Variants in RNF212B observed in about 807,000 individuals in gnomAD.
The protein encoded by RNF212B is ring finger protein 212B.
A neutral mutation model predicts 55.5 loss-of-function variants in RNF212B; 52 were observed. The observed-to-expected ratio is 0.94, with a 90% CI of 0.75 to 1.18. The LOEUF (loss-of-function observed/expected upper bound fraction) is 1.18, where lower values mean the gene tolerates loss of function less well. Ranked by LOEUF, RNF212B falls within the 50% of genes most tolerant of loss-of-function variation. The probability of loss-of-function intolerance (pLI) is 0.00; values close to 1 mark genes in which losing one functional copy is unlikely to be tolerated. For missense variants in RNF212B, 289 were observed against 350.4 expected (o/e 0.82, Z 1.40); for synonymous variants, 99 against 121.4 (o/e 0.82, Z 1.21).
intron 11 of RNF212B, among the ~76,000 whole-genome samples, chr14:23,266,300 T>C (rs1594951370): frequency 6.6e-6 from 1 of 151,970 alleles, no homozygotes; most frequent in East Asian, 1.9e-4. Context: ...TTTGGACCCA[T>C]TGGTTGTTTA....
chr14:23,186,301 A>G (rs1017863317), intron 1 of RNF212B, among the ~76,000 whole-genome samples: 5 of 152,012 alleles, frequency 3.3e-5, no homozygotes, highest in African/African-American at 1.2e-4. Context: ...TATGTTGACA[A>G]AAATCTGTAA....
intron 2 of RNF212B, among the ~76,000 whole-genome samples, chr14:23,213,174 G>T (rs10144491): frequency 2.0e-5 from 3 of 151,518 alleles, no homozygotes; most frequent in Admixed American, 2.0e-4. Flanking sequence ...TTAGCCGGGC[G>T]TGGTGGCAGG....
intron 2 of RNF212B, among the ~76,000 whole-genome samples, chr14:23,219,478 T>G (rs1294877429): frequency 1.0e-5 from 1 of 99,616 alleles, no homozygotes; most frequent in Admixed American, 9.6e-5. Flanking sequence ...CTCCTTCTAG[T>G]TTTTTTTTTT....
At chr14:23,243,424 G>A in intron 3 of RNF212B, 116 bp downstream of exon 3, 2 of 974,328 alleles carry the variant, frequency 2.1e-6, no homozygotes, top group Middle Eastern at 4.3e-4. Context: ...GACCGGGCGT[G>A]GTGGCTCAGG....
chr14:23,230,631 A>G lies in RNF212B; in HGVS notation c.-1-9714A>G, dbSNP rs942007922. Among the ~76,000 whole-genome samples the G allele has an allele frequency of 1.2e-3, 153 of 128,612 alleles. 2 individuals carry two copies. The highest frequency in any genetic ancestry group is 1.2e-3 in the Admixed American group (13 of 11,256). 84.4% of individuals were successfully genotyped at this position (128,612 alleles called of 152,430 possible). On this transcript the variant is annotated intron_variant, in intron 2 of 15. Transcript: ENST00000399910. ...ATCGCGCCACTGCACTCCAGCCTGG[A>G]CGACAGAGCGAGACTCCATCTCAAA...
intron 2 of RNF212B, among the ~76,000 whole-genome samples, chr14:23,224,577 C>T (rs1881847404): frequency 6.6e-6 from 1 of 152,156 alleles, no homozygotes. Flanking sequence ...AAACCCCTAG[C>T]TCTTGCCCAT....
At chr14:23,207,682 G>A (rs1015433942) in intron 2 of RNF212B, among the ~76,000 whole-genome samples, 3 of 152,230 alleles carry the variant, frequency 2.0e-5, no homozygotes, top group East Asian at 1.9e-4. Flanking sequence ...ACCAAAATGC[G>A]AATCCTGAAA....
intron 2 of RNF212B, among the ~76,000 whole-genome samples, chr14:23,202,087 C>T (rs1361159968): frequency 6.6e-6 from 1 of 151,874 alleles, no homozygotes; most frequent in Non-Finnish European, 1.5e-5. Context: ...CCTATCTCTA[C>T]TAAAAATACA....
intron 9 of RNF212B, 112 bp from the exon 10 acceptor site, chr14:23,264,062 T>G: frequency 2.6e-6 from 2 of 772,912 alleles, no homozygotes; most frequent in Non-Finnish European, 4.2e-6. Context: ...TGCTCTAGCC[T>G]GGGCAACAGA....
At chr14:23,232,104 A>G (rs536364350) in intron 2 of RNF212B, among the ~76,000 whole-genome samples, 2 of 142,104 alleles carry the variant, frequency 1.4e-5, no homozygotes, top group South Asian at 2.3e-4. Context: ...CTGGCTGCCC[A>G]TCGTCTGGGA....
At chr14:23,245,316 A>G (rs1183237983) in intron 4 of RNF212B, among the ~76,000 whole-genome samples, 3 of 152,168 alleles carry the variant, frequency 2.0e-5, no homozygotes, top group African/African-American at 7.2e-5. Flanking sequence ...TTGAGCCATC[A>G]TATTTGACAT....
chr14:23,264,752 A>G, intron 11 of RNF212B, 81 bp downstream of exon 11: 1 of 794,534 alleles, frequency 1.3e-6, no homozygotes, highest in Non-Finnish European at 1.7e-6. Context: ...TATGCATAAT[A>G]TAATGCCATT....
At chr14:23,270,909 C>A (rs1221718874) in intron 14 of RNF212B, among the ~76,000 whole-genome samples, 1 of 152,176 alleles carries the variant, frequency 6.6e-6, no homozygotes, top group African/African-American at 2.4e-5. Context: ...ACTGAGAGGT[C>A]TTGGCCAGCG....
intron 3 of RNF212B, 135 bp downstream of exon 3, chr14:23,243,443 C>A: frequency 1.3e-6 from 1 of 785,064 alleles, no homozygotes; most frequent in Non-Finnish European, 2.0e-6. Flanking sequence ...GGCCTGTAAT[C>A]CCAGCACTTT....
At chr14:23,262,750 A>T in intron 8 of RNF212B, 39 bp downstream of exon 8, 4 of 1,532,474 alleles carry the variant, frequency 2.6e-6, no homozygotes, top group Non-Finnish European at 3.5e-6. Flanking sequence ...GTGTGAGATG[A>T]ATATCCTTTC....
upstream of RNF212B, among the ~76,000 whole-genome samples, chr14:23,236,461 G>C (rs1450577994): frequency 1.3e-5 from 2 of 152,140 alleles, no homozygotes; most frequent in African/African-American, 4.8e-5. Flanking sequence ...GTTGCAGTGA[G>C]CCGAGATGGC....
At chr14:23,262,435 G>A (rs1326018250) in intron 7 of RNF212B, among the ~76,000 whole-genome samples, 1 of 152,112 alleles carries the variant, frequency 6.6e-6, no homozygotes, top group Admixed American at 6.5e-5. Context: ...TTCTATTATG[G>A]GCAACACAGA....
At chr14:23,266,404 G>GTTTTTTTTTTTTTTTTTTT (rs57731750) in intron 11 of RNF212B, among the ~76,000 whole-genome samples, 1 of 46,872 alleles carries the variant, frequency 2.1e-5, no homozygotes, top group Non-Finnish European at 3.6e-5. Flanking sequence ...CCTTTTAAAT[G>GTTTTTTTTTTTTTTTTTTT]TTTTTTTTTT....
intron 7 of RNF212B, chr14:23,261,161 AAG>A: frequency 3.4e-6 from 1 of 294,084 alleles, no homozygotes; most frequent in South Asian, 3.1e-5. Context: ...AAAAGGGGCA[AAG>A]GTAGAGGAGA....
Sources: allele counts gnomAD v4.1 joint callset (sites outside exome capture counted in the v4.1 genomes callset), GRCh38; gene constraint gnomAD v4.1.1; transcripts MANE v1.5; gene names NCBI Gene and HGNC (gene_info 2026-07-23, HGNC 2026-07-21).